ZGLP1: variants seen among roughly 807,000 people sequenced by gnomAD.
The protein encoded by ZGLP1 is zinc finger GATA like protein 1, also known as GATA-type zinc finger protein 1.
Under a neutral mutation model 21.4 loss-of-function variants are expected in ZGLP1, and 11 were observed. That is an observed-to-expected ratio of 0.51 (90% confidence interval 0.32 to 0.85). The LOEUF is 0.85. Among genes scored for constraint, ZGLP1 ranks in the 40% least tolerant of loss-of-function variants. ZGLP1 has a pLI of 0.03. For synonymous variants in ZGLP1, 148 were observed against 145.0 expected (o/e 1.02, Z -0.15); for missense variants, 295 against 355.6 (o/e 0.83, Z 1.37).
rs1301064887 is a variant in ZGLP1 at position 10,305,834 on chromosome 19, T to G, written c.604+12A>C. On this transcript the variant is annotated intron_variant, in intron 2 of 3. Transcript: ENST00000403903. The surrounding 1 kb of genome is among the most constrained non-coding windows in gnomAD (Gnocchi z 4.7). The stretch of plus-strand genomic sequence containing the variant: ...CCAAAATATTTATAGCTCTTGGGTT[T>G]TCAGGACTCACCCAGGGCCTCGCTG... 3.9e-6 allele frequency: 6 copies of G among 1,549,700 alleles called. No homozygotes were observed. In the Admixed American group the frequency reaches 1.2e-4, roughly 30 times the overall value.
chr19:10,305,512 GT>G lies in ZGLP1; in HGVS notation c.605-30del. The stretch of plus-strand genomic sequence containing the variant: ...AAGGGTCAGAGGTCAAAGGGCAGGG[GT>G]CAGAGGCCAAGCATGTGAGCTCGGG... On this transcript the variant is annotated intron_variant, in intron 2 of 3. Transcript: ENST00000403903. The surrounding 1 kb of genome is among the most constrained non-coding windows in gnomAD (Gnocchi z 4.7). 6.4e-7 allele frequency: 1 copy of G among 1,565,758 alleles called. No individual in the cohort carries two copies. Among genetic ancestry groups the G allele is most frequent in the Non-Finnish European group, 8.7e-7 (1 of 1,151,688 alleles).
chr19:10,308,741 T>C, exon 1 of ZGLP1: 1 of 1,407,236 alleles, frequency 7.1e-7, no homozygotes, highest in Non-Finnish European at 9.3e-7. Flanking sequence ...TCGCCCACTG[T>C]GGGCCTCCCA....
exon 1 of ZGLP1, chr19:10,309,054 A>T (rs527566894): frequency 5.7e-6 from 1 of 175,882 alleles, no homozygotes; most frequent in Non-Finnish European, 1.2e-5. Context: ...CTGGCTTGCC[A>T]TAATATGATT....
At chr19:10,307,905 A>T (rs1170572407) in intron 1 of ZGLP1, among the ~76,000 whole-genome samples, 1 of 152,230 alleles carries the variant, frequency 6.6e-6, no homozygotes, top group Non-Finnish European at 1.5e-5. Context: ...AGCTGTTAGC[A>T]TTATTGGGAA....
At position 10,308,334 on chromosome 19, in the gene ZGLP1, C is replaced by CG; in HGVS notation, c.347dup (p.Thr118AspfsTer54). 1 of 1,609,968 alleles carries CG rather than the reference C, an allele frequency of 6.2e-7. No homozygotes were observed. On this transcript the variant is annotated frameshift_variant, in exon 1 of 4. Transcript: ENST00000403903. LOFTEE classifies it high-confidence loss of function. ...TCTGGGGTGGGGCCGAGGGAGTCCC[C>CG]GGGGGCTGCAGACGGCGGCCCTTTT...
chr19:10,306,753 T>G (rs1447811463), intron 1 of ZGLP1, among the ~76,000 whole-genome samples: 2 of 152,010 alleles, frequency 1.3e-5, no homozygotes, highest in African/African-American at 4.8e-5. Context: ...AGGTCCAGGC[T>G]GCAGTGAGCC....
exon 4 of ZGLP1, chr19:10,304,947 T>TA (rs1230591934): frequency 1.5e-6 from 1 of 679,074 alleles, no homozygotes; most frequent in Non-Finnish European, 2.5e-6. Flanking sequence ...GGCCTGGGTC[T>TA]TCCCCCGGGA....
chr19:10,304,937 G>A, exon 4 of ZGLP1: 1 of 651,634 alleles, frequency 1.5e-6, no homozygotes, highest in East Asian at 2.7e-5. Context: ...TGCCACCTGA[G>A]GCCTGGGTCT....
intron 1 of ZGLP1, among the ~76,000 whole-genome samples, chr19:10,306,838 C>CA (rs1288672400): frequency 3.3e-5 from 5 of 151,086 alleles, no homozygotes; most frequent in Non-Finnish European, 5.9e-5. Flanking sequence ...CAAACAAAAG[C>CA]AAAAAAAAGC....
chr19:10,306,646 CG>C (rs1405481472), intron 1 of ZGLP1, among the ~76,000 whole-genome samples: 1 of 151,774 alleles, frequency 6.6e-6, no homozygotes, highest in Non-Finnish European at 1.5e-5. Flanking sequence ...AGGGAGACCC[CG>C]TCTCTACAAA....
exon 1 of ZGLP1, chr19:10,308,717 A>C: frequency 2.1e-6 from 3 of 1,454,296 alleles, no homozygotes; most frequent in Non-Finnish European, 2.7e-6. Context: ...GAGTTGCAGT[A>C]ATTGCAACTC....
At chr19:10,309,450 T>G (rs1475430610) in exon 1 of ZGLP1, 1 of 152,668 alleles carries the variant, frequency 6.6e-6, no homozygotes, top group African/African-American at 2.4e-5. Context: ...GAAGCTTTGC[T>G]GGCATTGAGG....
intron 1 of ZGLP1, among the ~76,000 whole-genome samples, chr19:10,307,814 C>A (rs1041675255): frequency 2.0e-5 from 3 of 152,260 alleles, no homozygotes; most frequent in Admixed American, 6.5e-5. Flanking sequence ...CTGTGCCCGG[C>A]CTCCCCAGGC....
intron 1 of ZGLP1, among the ~76,000 whole-genome samples, chr19:10,306,598 T>C (rs1342400214): frequency 6.6e-6 from 1 of 151,988 alleles, no homozygotes; most frequent in African/African-American, 2.4e-5. Context: ...AAATTTGATT[T>C]ATTGATTTTT....
Position 10,305,554 on chromosome 19 carries a change from C to A in ZGLP1, c.605-71G>T. 1.4e-6 allele frequency: 2 copies of A among 1,392,566 alleles called. No individual in the cohort carries two copies. Among genetic ancestry groups the A allele is most frequent in the South Asian group, 2.5e-5 (2 of 80,770 alleles). 86.3% of individuals were successfully genotyped at this position (1,392,566 alleles called of 1,614,324 possible). A position where few individuals can be genotyped will look rare whatever the true frequency, so the allele number is the denominator to read the frequency against. Reference sequence around the variant, plus strand: ...TGAGCTCGGGATGCCTGTGCGGAGTCGGGCATTTTGTGGGGGTCTCAGTAA... The same window carrying A: ...TGAGCTCGGGATGCCTGTGCGGAGTAGGGCATTTTGTGGGGGTCTCAGTAA... On this transcript the variant is annotated intron_variant, in intron 2 of 3. Transcript: ENST00000403903. This position sits in a 1 kb window ranked among gnomAD's most constrained non-coding sequence, Gnocchi z 4.7.
Position 10,305,890 on chromosome 19 carries a change from T to A in ZGLP1, c.560A>T (p.His187Leu), listed in dbSNP as rs1454784078. ...TGAGTGGGCCTCGGTGCCTCCTGGG[T>A]GGGCTGCAGGGCCCCCAACAGCATC... The change falls in exon 2 of 4, where the codon CAC becomes CTC. Residue 187 changes from histidine to leucine, a missense_variant. Physicochemically the swap from His to Leu is moderately conservative, Grantham distance 99. Coordinates refer to ENST00000403903, the Ensembl canonical transcript of ZGLP1. This position sits in a 1 kb window ranked among gnomAD's most constrained non-coding sequence, Gnocchi z 4.7. The A allele has an allele frequency of 6.4e-7, 1 of 1,563,982 alleles. No individual in the cohort carries two copies. Among genetic ancestry groups the A allele is most frequent in the Non-Finnish European group, 8.7e-7 (1 of 1,152,956 alleles).
chr19:10,305,455 G>A lies in ZGLP1; in HGVS notation c.633C>T (p.Thr211=). ...CGTCTCTCCAGAGCGGGGTCCTCTG[G>A]GTCCGACAGGAAGCACAGCGCCGGG... The change falls in exon 3 of 4, where the codon ACC becomes ACT. Residue 211 remains threonine (T), a synonymous_variant. Coordinates refer to ENST00000403903, the Ensembl canonical transcript of ZGLP1. The surrounding 1 kb of genome is among the most constrained non-coding windows in gnomAD (Gnocchi z 4.7). 4 of 1,599,552 alleles carry A rather than the reference G, an allele frequency of 2.5e-6. No individual in the cohort carries two copies. In the South Asian group the frequency reaches 3.4e-5, roughly 14 times the overall value.
Position 10,305,141 on chromosome 19 carries a change from T to C in ZGLP1, c.766A>G (p.Arg256Gly). 1 of 1,613,958 alleles carries C rather than the reference T, an allele frequency of 6.2e-7. No homozygotes were observed. Among genetic ancestry groups the C allele is most frequent in the South Asian group, 1.1e-5 (1 of 91,084 alleles). Residue 256 changes from arginine (R) to glycine (G), a missense_variant, in exon 4 of 4, where the codon AGG becomes GGG. Physicochemically the swap from Arg to Gly is moderately radical, Grantham distance 125 (BLOSUM62 -2). This residue lies in a region of ZGLP1 where 43 missense variants were observed against 91.7 expected (regional missense o/e 0.47). Transcript: ENST00000403903. The surrounding 1 kb of genome is among the most constrained non-coding windows in gnomAD (Gnocchi z 4.7). ...GACACTCCACATCTGCCACATAGCC[T>C]CTTGGGCTGGACATTTTTCCTGGGC... is the stretch of plus-strand genomic sequence containing the variant.
At chr19:10,307,851 T>A (rs1273664084) in intron 1 of ZGLP1, among the ~76,000 whole-genome samples, 2 of 152,228 alleles carry the variant, frequency 1.3e-5, no homozygotes, top group Non-Finnish European at 2.9e-5. Flanking sequence ...ACACATAAAA[T>A]ACTGCCTGTT....
Sources: gnomAD v4.1 joint callset for allele counts (sites outside exome capture counted in the v4.1 genomes callset) on GRCh38, gnomAD v4.1.1 for gene constraint, gnomAD v4.1.1 regional missense constraint, Gnocchi (gnomAD v3.1) non-coding constraint, MANE v1.5 for transcripts, NCBI Gene and HGNC (gene_info 2026-07-23, HGNC 2026-07-21) for gene names.